ZFHX3: variants seen among roughly 807,000 people sequenced by gnomAD.
ZFHX3 encodes the protein zinc finger homeobox 3.
In ZFHX3, 42 loss-of-function variants were observed where a neutral mutation model predicts 279.1. The ratio of observed to expected loss-of-function variants is 0.15; its 90% CI spans 0.12 to 0.19. The LOEUF is 0.19. Ranked by LOEUF, ZFHX3 falls within the 10% of genes least tolerant of loss-of-function variation. The pLI is 1.00. For synonymous variants in ZFHX3, 2,293 were observed against 1,957.8 expected (o/e 1.17, Z -4.52); for missense variants, 4,981 against 4,754.0 (o/e 1.05, Z -1.40).
At chr16:73,268,203 A>G (rs1053256273) in intron 4 of ZFHX3, among the ~76,000 whole-genome samples, 1 of 152,086 alleles carries the variant, frequency 6.6e-6, no homozygotes, top group Non-Finnish European at 1.5e-5. Flanking sequence ...GCATGGTGGT[A>G]TGAGTTAAAC....
At chr16:73,305,067 A>AAATAC (rs1165747866) in intron 4 of ZFHX3, among the ~76,000 whole-genome samples, 1 of 105,968 alleles carries the variant, frequency 9.4e-6, no homozygotes, top group African/African-American at 3.7e-5. Flanking sequence ...AAATAAAATA[A>AAATAC]AATAAAAAAT....
chr16:72,927,307 T>C (rs1246519875), intron 3 of ZFHX3, among the ~76,000 whole-genome samples: 1 of 152,198 alleles, frequency 6.6e-6, no homozygotes, highest in East Asian at 1.9e-4. Flanking sequence ...CTCCTTGTCT[T>C]CCTTCTCTCT....
chr16:73,371,603 C>T (rs982370766), intron 3 of ZFHX3, among the ~76,000 whole-genome samples: 11 of 151,968 alleles, frequency 7.2e-5, no homozygotes, highest in Non-Finnish European at 1.3e-4. Context: ...GGAACTGGTG[C>T]ACCGGGTGTA....
At chr16:72,877,417 T>C (rs545649220) in intron 4 of ZFHX3, among the ~76,000 whole-genome samples, 1 of 152,204 alleles carries the variant, frequency 6.6e-6, no homozygotes, top group African/African-American at 2.4e-5. Context: ...AAATTCTTAT[T>C]GTGGAAATAA....
At chr16:72,926,926 C>A (rs879262838) in intron 3 of ZFHX3, among the ~76,000 whole-genome samples, 3 of 152,196 alleles carry the variant, frequency 2.0e-5, no homozygotes, top group African/African-American at 7.2e-5. Flanking sequence ...CCAGCTCCCC[C>A]AGGTTTACGA....
chr16:73,841,240 C>T (rs2142369759), intron 1 of ZFHX3, among the ~76,000 whole-genome samples: 1 of 152,258 alleles, frequency 6.6e-6, no homozygotes, highest in Admixed American at 6.5e-5. Flanking sequence ...CCAAGTTTAG[C>T]TTTCCACATC....
intron 2 of ZFHX3, among the ~76,000 whole-genome samples, chr16:73,630,363 A>G (rs1003038148): frequency 6.6e-6 from 1 of 152,190 alleles, no homozygotes; most frequent in Non-Finnish European, 1.5e-5. Context: ...ATCTCACTTC[A>G]TGTACATTGC....
In ZFHX3 at chr16:72,788,100, CTGCACTTTTTGCTGCTGCTGCTGCTGT is replaced by C; in HGVS notation, c.10149_10175del (p.Gln3387_Gln3395del). 6.2e-7 allele frequency: 1 copy of C among 1,608,644 alleles called. No individual in the cohort carries two copies. Among genetic ancestry groups the C allele is most frequent in the African/African-American group, 1.3e-5 (1 of 74,924 alleles). ...TTTGGCTTGCTTTGGGCTGCTGCTG[CTGCACTTTTTGCTGCTGCTGCTGCTGT>C]AGTTGCCGCTGCTGCTGCTGCTGAA... On this transcript the variant is annotated inframe_deletion, in exon 10 of 10. Coordinates refer to ENST00000268489, the MANE Select transcript of ZFHX3 (RefSeq NM_006885.4).
rs144545810 is a variant in ZFHX3, at chr16:73,329,731, T to C, written c.-1290-11395A>G. The stretch of plus-strand genomic sequence containing the variant: ...GTGGGAAAGCGGAGAAGGGGGGAGT[T>C]GGGATTAATGGGCAAATCTAAGTAG... On this transcript the variant is annotated intron_variant, in intron 3 of 17. Coordinates refer to the ZFHX3 transcript ENST00000641206. Among the ~76,000 whole-genome samples, 3 of 152,244 alleles carry C rather than the reference T, an allele frequency of 2.0e-5. No homozygotes were observed. In the East Asian group the frequency reaches 5.8e-4, roughly 29 times the overall value.
chr16:73,876,536 T>G (rs966426330), intron 1 of ZFHX3, among the ~76,000 whole-genome samples: 2 of 152,360 alleles, frequency 1.3e-5, no homozygotes, highest in Non-Finnish European at 2.9e-5. Flanking sequence ...ATTTGTATGT[T>G]TACATTAGCT....
At chr16:73,214,800 G>A (rs1172246927) in intron 5 of ZFHX3, among the ~76,000 whole-genome samples, 1 of 148,328 alleles carries the variant, frequency 6.7e-6, no homozygotes, top group Non-Finnish European at 1.5e-5. Context: ...TTCTTCTAAA[G>A]CAGGGCTTTG....
chr16:73,231,897 G>A (rs903273655), intron 5 of ZFHX3, among the ~76,000 whole-genome samples: 1 of 152,228 alleles, frequency 6.6e-6, no homozygotes, highest in Non-Finnish European at 1.5e-5. Context: ...AGCCCCTCTT[G>A]CACACAACAA....
intron 3 of ZFHX3, among the ~76,000 whole-genome samples, chr16:72,929,299 T>C (rs991636530): frequency 3.3e-5 from 5 of 151,600 alleles, no homozygotes; most frequent in Admixed American, 6.6e-5. Flanking sequence ...TAACTCCACC[T>C]GGATTTTTGA....
chr16:73,221,405 T>A (rs1293418187), intron 5 of ZFHX3, among the ~76,000 whole-genome samples: 1 of 152,160 alleles, frequency 6.6e-6, no homozygotes, highest in Non-Finnish European at 1.5e-5. Context: ...TATTTTATTT[T>A]AAAAAGTTGC....
chr16:73,227,157 A>G (rs2012620341), intron 5 of ZFHX3, among the ~76,000 whole-genome samples: 1 of 152,204 alleles, frequency 6.6e-6, no homozygotes, highest in Non-Finnish European at 1.5e-5. Context: ...GCATCTCATA[A>G]TTGGAGTTAA....
intron 5 of ZFHX3, among the ~76,000 whole-genome samples, chr16:73,194,929 C>G (rs1042547319): frequency 2.0e-5 from 3 of 152,146 alleles, no homozygotes; most frequent in Non-Finnish European, 4.4e-5. Context: ...TGTTTATAGG[C>G]TAGGGTTTGC....
chr16:72,997,498 C>A (rs1486036535), intron 1 of ZFHX3, among the ~76,000 whole-genome samples: 2 of 152,200 alleles, frequency 1.3e-5, no homozygotes, highest in African/African-American at 2.4e-5. Flanking sequence ...CTTCTCGCTA[C>A]ACATCTGTCT....
intron 3 of ZFHX3, among the ~76,000 whole-genome samples, chr16:73,447,003 A>G (rs1380650096): frequency 6.6e-6 from 1 of 152,120 alleles, no homozygotes; most frequent in Non-Finnish European, 1.5e-5. Context: ...ACACAGTGAA[A>G]CACCATCTCT....
intron 8 of ZFHX3, among the ~76,000 whole-genome samples, chr16:73,070,982 C>T (rs1348485062): frequency 6.9e-6 from 1 of 145,980 alleles, no homozygotes; most frequent in Non-Finnish European, 1.5e-5. Flanking sequence ...ATCTGGGTGC[C>T]CTTTTCTTTC....
Sources: allele counts gnomAD v4.1 joint callset (sites outside exome capture counted in the v4.1 genomes callset), GRCh38; gene constraint gnomAD v4.1.1; transcripts MANE v1.5; gene names NCBI Gene and HGNC (gene_info 2026-07-23, HGNC 2026-07-21).